SYNDIG1: variants seen among roughly 807,000 people sequenced by gnomAD.
The protein encoded by SYNDIG1 is synapse differentiation inducing 1.
Under a neutral mutation model 19.4 loss-of-function variants are expected in SYNDIG1, and 9 were observed. The observed-to-expected ratio is 0.46, with a 90% CI of 0.28 to 0.81. The LOEUF is 0.81. Among genes scored for constraint, SYNDIG1 ranks in the 30% least tolerant of loss-of-function variants. The pLI is 0.12. For synonymous variants in SYNDIG1, 141 were observed against 145.9 expected (o/e 0.97, Z 0.24); for missense variants, 311 against 343.3 (o/e 0.91, Z 0.74).
At chr20:24,549,441 G>T (rs1289334918) in intron 2 of SYNDIG1, among the ~76,000 whole-genome samples, 1 of 152,142 alleles carries the variant, frequency 6.6e-6, no homozygotes, top group Admixed American at 6.5e-5. Context: ...TGAAATGGGA[G>T]AGTTCCCTGA....
At chr20:24,525,117 TTTG>T (rs2057094008) in intron 1 of SYNDIG1, among the ~76,000 whole-genome samples, 1 of 152,230 alleles carries the variant, frequency 6.6e-6, no homozygotes, top group East Asian at 1.9e-4. Context: ...ATTTTTATAT[TTTG>T]TTATGATTCC....
chr20:24,662,539 G>A lies in SYNDIG1; in HGVS notation c.619-2807G>A, dbSNP rs117080682. ...CTGCTTCCTGCGTTCTCAATGATGA[G>A]TCCTTGTGCCCTGGGCTGTTAAGGC... is the stretch of plus-strand genomic sequence containing the variant. On this transcript the variant is annotated intron_variant, in intron 3 of 3. Coordinates refer to ENST00000376862, the MANE Select transcript of SYNDIG1 (RefSeq NM_024893.3). 2.6e-3 allele frequency among the ~76,000 whole-genome samples: 395 copies of A among 152,198 alleles called. 10 individuals carry two copies. In the East Asian group the frequency reaches 0.055, roughly 21 times the overall value.
intron 3 of SYNDIG1, among the ~76,000 whole-genome samples, chr20:24,656,461 G>A (rs985847014): frequency 1.3e-5 from 2 of 152,216 alleles, no homozygotes; most frequent in Non-Finnish European, 2.9e-5. Flanking sequence ...GAAAGCAGGC[G>A]TGCTGAGGGG....
chr20:24,563,759 G>A (rs2057988577), intron 2 of SYNDIG1, among the ~76,000 whole-genome samples: 2 of 152,154 alleles, frequency 1.3e-5, no homozygotes, highest in Admixed American at 6.5e-5. Context: ...TCACCACCAT[G>A]TCCAGCTAAT....
chr20:24,661,605 AAGGGAGGAGGG>A (rs940151386), intron 3 of SYNDIG1, among the ~76,000 whole-genome samples: 65 of 82,288 alleles, frequency 7.9e-4, no homozygotes, highest in African/African-American at 3.0e-3. Context: ...AAAAGTAAGG[AAGGGAGGAGGG>A]AGGGAGGAGG....
At chr20:24,600,652 A>C (rs1420712718) in intron 3 of SYNDIG1, among the ~76,000 whole-genome samples, 8 of 140,688 alleles carry the variant, frequency 5.7e-5, no homozygotes, top group Non-Finnish European at 1.2e-4. Flanking sequence ...TGTCACCTAG[A>C]CCAGAGTGCA....
chr20:24,597,488 C>T (rs2058613484), intron 3 of SYNDIG1, among the ~76,000 whole-genome samples: 1 of 152,092 alleles, frequency 6.6e-6, no homozygotes, highest in African/African-American at 2.4e-5. Context: ...TTTACACAGA[C>T]TCACTGGGTG....
At chr20:24,504,954 T>C (rs1046598413) in intron 1 of SYNDIG1, among the ~76,000 whole-genome samples, 16 of 152,238 alleles carry the variant, frequency 1.1e-4, no homozygotes, top group Admixed American at 2.0e-4. Context: ...GAGAGGATGG[T>C]AGCTTGGTCC....
intron 1 of SYNDIG1, among the ~76,000 whole-genome samples, chr20:24,494,779 GA>G (rs1210980612): frequency 6.6e-6 from 1 of 152,180 alleles, no homozygotes; most frequent in South Asian, 2.1e-4. Context: ...CCTCAGACGT[GA>G]CAGGCACCTC....
chr20:24,654,336 AGT>A (rs1191929628), intron 3 of SYNDIG1, among the ~76,000 whole-genome samples: 1 of 152,184 alleles, frequency 6.6e-6, no homozygotes, highest in Non-Finnish European at 1.5e-5. Context: ...GGAAGTAGAA[AGT>A]GTCTTTCAAA....
chr20:24,541,745 T>C (rs757702766), intron 1 of SYNDIG1, among the ~76,000 whole-genome samples: 26 of 152,344 alleles, frequency 1.7e-4, no homozygotes, highest in Non-Finnish European at 3.1e-4. Flanking sequence ...TAGCTACTGG[T>C]TCTGAGTATC....
At chr20:24,496,152 T>C (rs2056299912) in intron 1 of SYNDIG1, among the ~76,000 whole-genome samples, 1 of 152,222 alleles carries the variant, frequency 6.6e-6, no homozygotes, top group Non-Finnish European at 1.5e-5. Flanking sequence ...GCCATATTTC[T>C]GTTTTTAAAA....
Position 24,543,480 on chromosome 20 carries a change from A to G in SYNDIG1, c.383A>G (p.Tyr128Cys). ...DRSPTKDSLE[Y>C]PDGKFIDLSA... ...TCGCCCACCAAAGACAGCCTCGAGTACCCGGATGGGAAGTTCATTGACCTC... is the reference window on the plus strand; with the variant it reads ...TCGCCCACCAAAGACAGCCTCGAGTGCCCGGATGGGAAGTTCATTGACCTC... The change falls in exon 2 of 4, where the codon TAC becomes TGC. Residue 128 changes from tyrosine (Y) to cysteine (C), a missense_variant. Tyr to Cys is a radical substitution (Grantham distance 194, BLOSUM62 -2). Coordinates refer to ENST00000376862, the MANE Select transcript of SYNDIG1 (RefSeq NM_024893.3). The G allele has an allele frequency of 6.2e-7, 1 of 1,613,146 alleles. No individual in the cohort carries two copies.
At chr20:24,472,062 C>T (rs1015223919) in intron 1 of SYNDIG1, among the ~76,000 whole-genome samples, 9 of 152,198 alleles carry the variant, frequency 5.9e-5, no homozygotes, top group Admixed American at 2.6e-4. Context: ...CAGCTGATGA[C>T]ATTTCATTTT....
At chr20:24,581,384 C>T (rs542445684) in intron 2 of SYNDIG1, among the ~76,000 whole-genome samples, 54 of 151,994 alleles carry the variant, frequency 3.6e-4, no homozygotes, top group Non-Finnish European at 6.9e-4. Context: ...TGCAAGGATA[C>T]GTCGGGATCC....
intron 2 of SYNDIG1, among the ~76,000 whole-genome samples, chr20:24,554,337 A>C (rs1211953711): frequency 1.1e-4 from 16 of 152,320 alleles, no homozygotes; most frequent in Non-Finnish European, 1.9e-4. Context: ...TACTTCCAAC[A>C]CTATGTTGAA....
At position 24,584,912 on chromosome 20, in the gene SYNDIG1, G is replaced by A. The variant is rs867418207; in HGVS notation, c.537G>A (p.Arg179=). The A allele has an allele frequency of 6.2e-7, 1 of 1,614,078 alleles. No homozygotes were observed. The highest frequency in any genetic ancestry group is 8.5e-7 in the Non-Finnish European group (1 of 1,180,020). ...ACAATTTCCTCATGATGCCCCCGCG[G>A]GACCACCTGGGCCTCAGTGTCTTCT... ...SEDNFLMMPP[R]DHLGLSVFSM... is the part of the protein sequence containing the mutation. Residue 179 remains arginine, a synonymous_variant, in exon 3 of 4, where the codon CGG becomes CGA. Coordinates refer to ENST00000376862, the MANE Select transcript of SYNDIG1 (RefSeq NM_024893.3).
In SYNDIG1 at chr20:24,666,202, C is replaced by T. The variant is rs1317393134; in HGVS notation, c.*698C>T. The T allele has an allele frequency of 2.0e-5, 3 of 152,672 alleles. No individual in the cohort carries two copies. Among genetic ancestry groups the T allele is most frequent in the Admixed American group, 1.3e-4 (2 of 15,280 alleles). The allele number at this position is 152,672 out of a possible 1,614,324, so 9.5% of individuals were successfully genotyped here. A position where few individuals can be genotyped will look rare whatever the true frequency, so the allele number is the denominator to read the frequency against. On this transcript the variant is annotated 3_prime_UTR_variant, in exon 4 of 4. Transcript: ENST00000376862. ...CCCGCAGCAATACGCACTCTTGGGACCTCGCTGATCTAGGATGGGGAGGCA... is the reference window on the plus strand; with the variant it reads ...CCCGCAGCAATACGCACTCTTGGGATCTCGCTGATCTAGGATGGGGAGGCA...
At chr20:24,524,795 G>A (rs1430875159) in intron 1 of SYNDIG1, among the ~76,000 whole-genome samples, 1 of 152,148 alleles carries the variant, frequency 6.6e-6, no homozygotes, top group East Asian at 1.9e-4. Flanking sequence ...TAGCCTAGAA[G>A]CAGGCTCCCT....
Sources: allele counts gnomAD v4.1 joint callset (sites outside exome capture counted in the v4.1 genomes callset), GRCh38; gene constraint gnomAD v4.1.1; transcripts MANE v1.5; gene names NCBI Gene and HGNC (gene_info 2026-07-23, HGNC 2026-07-21).